SNTG1: variants seen among roughly 807,000 people sequenced by gnomAD.
The protein encoded by SNTG1 is syntrophin gamma 1, also known as gamma-1-syntrophin.
A neutral mutation model predicts 74.7 loss-of-function variants in SNTG1; 39 were observed. That is an observed-to-expected ratio of 0.52 (90% CI 0.40 to 0.68). The LOEUF (loss-of-function observed/expected upper bound fraction) is 0.68, where lower values mean the gene tolerates loss of function less well. Ranked by LOEUF, SNTG1 falls within the 30% of genes least tolerant of loss-of-function variation. SNTG1 has a pLI of 0.00. For missense variants in SNTG1, 685 were observed against 609.5 expected (o/e 1.12, Z -1.30); for synonymous variants, 254 against 217.1 (o/e 1.17, Z -1.49).
intron 5 of SNTG1, among the ~76,000 whole-genome samples, chr8:50,439,454 G>C (rs1167760833): frequency 6.6e-6 from 1 of 151,982 alleles, no homozygotes; most frequent in Admixed American, 6.6e-5. Context: ...TAAATTTTGT[G>C]AACATCAGCT....
intron 2 of SNTG1, among the ~76,000 whole-genome samples, chr8:50,330,015 G>T (rs186890144): frequency 1.3e-5 from 2 of 152,078 alleles, no homozygotes; most frequent in African/African-American, 2.4e-5. Flanking sequence ...GAAGTTCCGC[G>T]TATCCATTTG....
chr8:50,671,802 C>T (rs2095284515), intron 15 of SNTG1, among the ~76,000 whole-genome samples: 1 of 151,880 alleles, frequency 6.6e-6, no homozygotes, highest in Non-Finnish European at 1.5e-5. Context: ...GCCAAATGTG[C>T]AACAATCATA....
intron 8 of SNTG1, among the ~76,000 whole-genome samples, chr8:50,481,735 C>T (rs2093742317): frequency 6.6e-6 from 1 of 152,150 alleles, no homozygotes; most frequent in Non-Finnish European, 1.5e-5. Flanking sequence ...TGTACTTCTA[C>T]TTATATCAAG....
chr8:50,698,145 A>G (rs2095411490), intron 15 of SNTG1, among the ~76,000 whole-genome samples: 2 of 151,916 alleles, frequency 1.3e-5, no homozygotes, highest in African/African-American at 2.4e-5. Context: ...TTCTCTATTC[A>G]TGGTTTTTAT....
At chr8:50,354,479 T>G (rs2091762567) in intron 2 of SNTG1, among the ~76,000 whole-genome samples, 1 of 152,210 alleles carries the variant, frequency 6.6e-6, no homozygotes, top group Non-Finnish European at 1.5e-5. Flanking sequence ...TCATTGAATC[T>G]TGCGTGTAGT....
At chr8:50,509,718 G>C (rs569072897) in intron 9 of SNTG1, among the ~76,000 whole-genome samples, 9 of 152,078 alleles carry the variant, frequency 5.9e-5, no homozygotes, top group Admixed American at 1.3e-4. Flanking sequence ...CTCTCTGTTT[G>C]TCTGTTATTG....
chr8:50,788,617 G>A (rs549392053), intron 18 of SNTG1, among the ~76,000 whole-genome samples: 1 of 152,046 alleles, frequency 6.6e-6, no homozygotes, highest in East Asian at 1.9e-4. Context: ...TAAATGGGTT[G>A]AAAGCTTTTA....
intron 13 of SNTG1, among the ~76,000 whole-genome samples, chr8:50,626,115 G>A (rs1389492321): frequency 6.6e-5 from 10 of 152,170 alleles, no homozygotes; most frequent in African/African-American, 1.7e-4. Context: ...TTCTAGATCC[G>A]TGGGCTTCCT....
intron 1 of SNTG1, among the ~76,000 whole-genome samples, chr8:49,948,899 C>T (rs1046370605): frequency 6.6e-6 from 1 of 152,196 alleles, no homozygotes; most frequent in South Asian, 2.1e-4. Context: ...AGGCCCAGTC[C>T]ACCTTTTGGT....
chr8:50,750,374 G>T (rs1373538884), intron 17 of SNTG1, among the ~76,000 whole-genome samples: 1 of 152,014 alleles, frequency 6.6e-6, no homozygotes, highest in Non-Finnish European at 1.5e-5. Flanking sequence ...TGTGAATATT[G>T]TTGAAATGAT....
intron 2 of SNTG1, among the ~76,000 whole-genome samples, chr8:50,241,301 C>G (rs530014184): frequency 6.6e-6 from 1 of 152,138 alleles, no homozygotes; most frequent in Admixed American, 6.5e-5. Context: ...GAAAGAAGAG[C>G]AGAGAGTGTG....
chr8:50,053,358 C>T (rs1819741017), intron 1 of SNTG1, among the ~76,000 whole-genome samples: 1 of 151,946 alleles, frequency 6.6e-6, no homozygotes, highest in South Asian at 2.1e-4. Context: ...TGTATGATTT[C>T]ATTTATATGT....
At chr8:50,656,837 C>G in intron 13 of SNTG1, 72 bp from the exon 14 acceptor site, 1 of 952,542 alleles carries the variant, frequency 1.0e-6, no homozygotes, top group Non-Finnish European at 1.6e-6. Flanking sequence ...ATATTTGCAT[C>G]TAAATATTTT....
chr8:50,376,754 T>TAGAGAGAGAGAGAG (rs770555169), intron 2 of SNTG1, among the ~76,000 whole-genome samples: 22 of 100,304 alleles, frequency 2.2e-4, no homozygotes, highest in Non-Finnish European at 3.6e-4. Flanking sequence ...TATATATATA[T>TAGAGAGAGAGAGAG]ATAGAGAGAG....
chr8:50,198,342 G>T (rs2083858372), intron 2 of SNTG1, among the ~76,000 whole-genome samples: 1 of 152,118 alleles, frequency 6.6e-6, no homozygotes, highest in South Asian at 2.1e-4. Flanking sequence ...TTCCTTTCCT[G>T]GTTTTATCAT....
At chr8:50,521,494 T>C (rs1288056454) in intron 9 of SNTG1, among the ~76,000 whole-genome samples, 3 of 152,186 alleles carry the variant, frequency 2.0e-5, no homozygotes, top group African/African-American at 4.8e-5. Flanking sequence ...TTAGTCTCTC[T>C]ATTGATGGAT....
chr8:49,985,212 C>T (rs1396369705), intron 1 of SNTG1, among the ~76,000 whole-genome samples: 3 of 152,056 alleles, frequency 2.0e-5, no homozygotes, highest in Non-Finnish European at 4.4e-5. Context: ...CACTCTGTCG[C>T]CCAGGCTGGA....
chr8:50,243,398 T>C (rs2086251447), intron 2 of SNTG1, among the ~76,000 whole-genome samples: 1 of 152,192 alleles, frequency 6.6e-6, no homozygotes, highest in Non-Finnish European at 1.5e-5. Context: ...TTACTAAAAT[T>C]TATCTAGATC....
At chr8:50,679,602 T>C (rs2095323216) in intron 15 of SNTG1, among the ~76,000 whole-genome samples, 1 of 152,138 alleles carries the variant, frequency 6.6e-6, no homozygotes. Flanking sequence ...AATTCCCTTA[T>C]TTTTTATCCA....
Sources: gnomAD v4.1 joint callset for allele counts (sites outside exome capture counted in the v4.1 genomes callset) on GRCh38, gnomAD v4.1.1 for gene constraint, MANE v1.5 for transcripts, NCBI Gene and HGNC (gene_info 2026-07-23, HGNC 2026-07-21) for gene names.